Variants in NBAS observed in about 807,000 individuals in gnomAD.
NBAS encodes NAG/BC035112 fusion.
Under a neutral mutation model 302.5 loss-of-function variants are expected in NBAS, and 219 were observed. The observed-to-expected ratio is 0.72, with a 90% CI of 0.65 to 0.81. NBAS has a LOEUF of 0.81. NBAS is among the 30% of genes least tolerant of loss of function. The pLI, the probability that NBAS is intolerant of heterozygous loss-of-function variation, is 0.00. For synonymous variants in NBAS, 1,118 were observed against 1,021.6 expected, an observed-to-expected ratio of 1.09 and a Z score of -1.80; for missense variants, 2,932 against 2,841.6, an observed-to-expected ratio of 1.03 and a Z score of -0.72.
the NBAS span, among the ~76,000 whole-genome samples, chr2:14,818,288 A>C: frequency 6.6e-6 from 1 of 152,090 alleles, no homozygotes; most frequent in African/African-American, 2.4e-5. Flanking sequence ...TCTGAACCAC[A>C]CTTGTACATG....
chr2:15,461,841 T>C, intron 19 of NBAS, 50 bp from the exon 20 acceptor site: 1 of 1,009,226 alleles, frequency 9.9e-7, no homozygotes, highest in South Asian at 1.4e-5. Context: ...CTTTTAAATA[T>C]GGGTGACAAG....
the NBAS span, among the ~76,000 whole-genome samples, chr2:15,082,654 G>T: frequency 6.6e-6 from 1 of 152,176 alleles, no homozygotes; most frequent in South Asian, 2.1e-4. Flanking sequence ...CCCCAAGGAG[G>T]CAGGGTTTGC....
the NBAS span, among the ~76,000 whole-genome samples, chr2:14,950,746 A>G: frequency 1.3e-5 from 2 of 152,212 alleles, no homozygotes; most frequent in Non-Finnish European, 2.9e-5. Flanking sequence ...GTGAGAGGCA[A>G]AGGATCACAG....
the NBAS span, among the ~76,000 whole-genome samples, chr2:14,860,081 G>GA: frequency 6.6e-6 from 1 of 151,828 alleles, no homozygotes; most frequent in South Asian, 2.1e-4. Context: ...ACAGGTATAT[G>GA]AAAAAAATGC....
chr2:14,786,314 T>C, the NBAS span, among the ~76,000 whole-genome samples: 2 of 152,224 alleles, frequency 1.3e-5, no homozygotes, highest in East Asian at 1.9e-4. Flanking sequence ...TTTGTGTCTC[T>C]ATTTCCTTCA....
intron 44 of NBAS, among the ~76,000 whole-genome samples, chr2:15,247,774 A>G (rs1399468530): frequency 6.6e-6 from 1 of 151,658 alleles, no homozygotes; most frequent in East Asian, 1.9e-4. Flanking sequence ...TCCATCACAT[A>G]AAGAGAACCA....
chr2:15,306,052 G>C (rs576666969), intron 40 of NBAS, among the ~76,000 whole-genome samples: 1 of 152,170 alleles, frequency 6.6e-6, no homozygotes, highest in Non-Finnish European at 1.5e-5. Flanking sequence ...TGTACTTAGA[G>C]TTTTAGAGGA....
At chr2:14,953,389 C>A in the NBAS span, among the ~76,000 whole-genome samples, 3 of 152,180 alleles carry the variant, frequency 2.0e-5, no homozygotes, top group South Asian at 4.1e-4. Context: ...CATTCATTTT[C>A]TTTAAGTAAA....
Position 15,353,613 on chromosome 2 carries a change from T to G in NBAS, c.4029A>C (p.Thr1343=), listed in dbSNP as rs1229372466. 3 of 1,614,110 alleles carry G rather than the reference T, an allele frequency of 1.9e-6. No individual in the cohort carries two copies. Among genetic ancestry groups the G allele is most frequent in the Non-Finnish European group, 2.5e-6 (3 of 1,179,976 alleles). The change falls in exon 34 of 52, where the codon ACA becomes ACC. Residue 1343 remains threonine (T), a synonymous_variant. Coordinates refer to ENST00000281513, the MANE Select transcript of NBAS (RefSeq NM_015909.4). ...GTTCAATGCTGCTAGGAGGGCAATG[T>G]GTCAAAGCAAAAGCCATGAGCTCTT... is the stretch of plus-strand genomic sequence containing the variant. ...TRQELMAFAL[T]HCPPSSIELL... is the part of the protein sequence containing the mutation.
At chr2:14,892,807 G>C in the NBAS span, among the ~76,000 whole-genome samples, 41 of 152,040 alleles carry the variant, frequency 2.7e-4, no homozygotes, top group African/African-American at 8.2e-4. Flanking sequence ...TGAATACTCT[G>C]TTTGGATTCG....
intron 32 of NBAS, among the ~76,000 whole-genome samples, chr2:15,358,072 C>A (rs537903511): frequency 6.6e-6 from 1 of 152,082 alleles, no homozygotes; most frequent in African/African-American, 2.4e-5. Context: ...GGATCTGCGG[C>A]CTGTTGCTAC....
chr2:14,885,891 AAC>A, the NBAS span, among the ~76,000 whole-genome samples: 29 of 152,372 alleles, frequency 1.9e-4, no homozygotes, highest in East Asian at 5.4e-3. Flanking sequence ...ATCCTAAAAA[AAC>A]AGTTTTACCG....
At position 15,327,809 on chromosome 2, in the gene NBAS, A is replaced by C. The variant is rs1287513379; in HGVS notation, c.4523T>G (p.Leu1508Arg). 3.7e-6 allele frequency: 6 copies of C among 1,613,598 alleles called. No homozygotes were observed. The highest frequency in any genetic ancestry group is 1.3e-5 in the African/African-American group (1 of 74,886). Reference protein sequence around the residue: ...VPVESFAEVLLRTGKLAEAKN... With the variant: ...VPVESFAEVLRRTGKLAEAKN... ...AGCCTCTGCCAATTTTCCAGTTCTC[A>C]GCAATACTTCTGCAAAGCTTTCCAC... Residue 1508 changes from leucine to arginine, a missense_variant, in exon 38 of 52, where the codon CTG (leucine) becomes CGG (arginine). Transcript: ENST00000281513.
chr2:15,158,035 C>T, the NBAS span, among the ~76,000 whole-genome samples: 27 of 152,220 alleles, frequency 1.8e-4, no homozygotes, highest in African/African-American at 6.3e-4. Context: ...CCAAGGGAAC[C>T]GGGGGGACTC....
chr2:15,218,760 G>T lies in NBAS; in HGVS notation c.6432+13C>A. 1 of 1,614,192 alleles carries T rather than the reference G, an allele frequency of 6.2e-7. No homozygotes were observed. On this transcript the variant is annotated intron_variant, in intron 48 of 51. Coordinates refer to ENST00000281513, the MANE Select transcript of NBAS (RefSeq NM_015909.4). ...TGTTAGTAAGAAAAATAATCATTCA[G>T]ACACTCCCTTACCTGTCTCTGGGGC...
the NBAS span, among the ~76,000 whole-genome samples, chr2:15,050,121 C>G: frequency 1.3e-5 from 2 of 152,164 alleles, no homozygotes; most frequent in African/African-American, 4.8e-5. Context: ...CTTTCTTCAA[C>G]CACTCGAGGT....
At chr2:14,981,659 T>A in the NBAS span, among the ~76,000 whole-genome samples, 1 of 152,174 alleles carries the variant, frequency 6.6e-6, no homozygotes, top group African/African-American at 2.4e-5. Context: ...GGGGCAGACG[T>A]GACTTGTGTT....
chr2:15,430,824 T>G (rs1380863001), intron 21 of NBAS, among the ~76,000 whole-genome samples: 2 of 152,030 alleles, frequency 1.3e-5, no homozygotes, highest in Non-Finnish European at 2.9e-5. Context: ...TTTTCTTTTT[T>G]GAGATGGAGT....
At chr2:15,328,937 T>A (rs1418898338) in intron 36 of NBAS, among the ~76,000 whole-genome samples, 1 of 152,158 alleles carries the variant, frequency 6.6e-6, no homozygotes, top group Non-Finnish European at 1.5e-5. Flanking sequence ...GTTCAGACCT[T>A]ACCTGCTGAA....
Sources: gnomAD v4.1 joint callset for allele counts (sites outside exome capture counted in the v4.1 genomes callset) on GRCh38, gnomAD v4.1.1 for gene constraint, MANE v1.5 for transcripts, NCBI Gene and HGNC (gene_info 2026-07-23, HGNC 2026-07-21) for gene names.